Variants in GARIN5A observed in about 807,000 individuals in gnomAD.
The protein encoded by GARIN5A is golgi associated RAB2 interactor 5A.
the GARIN5A span, among the ~76,000 whole-genome samples, chr19:50,472,035 T>TGTATGTATATATAC: frequency 1.5e-5 from 2 of 134,686 alleles, no homozygotes; most frequent in African/African-American, 7.4e-5. Context: ...TATATGTACG[T>TGTATGTATATATAC]GTGTGTATAT....
chr19:50,475,199 G>A, the GARIN5A span: 1 of 1,367,410 alleles, frequency 7.3e-7, no homozygotes, highest in Non-Finnish European at 9.7e-7. Flanking sequence ...TGGCAGCTCA[G>A]GGAGGGCCGG....
At chr19:50,473,014 C>T in the GARIN5A span, among the ~76,000 whole-genome samples, 1 of 152,128 alleles carries the variant, frequency 6.6e-6, no homozygotes, top group Admixed American at 6.6e-5. Context: ...GAGATCCCAC[C>T]TCTACAACAC....
At chr19:50,475,410 C>A in the GARIN5A span, 2 of 1,610,184 alleles carry the variant, frequency 1.2e-6, no homozygotes, top group Non-Finnish European at 1.7e-6. Context: ...CTGGAGGCTG[C>A]CACCCCCATG....
At chr19:50,472,066 A>ATATACATG in the GARIN5A span, among the ~76,000 whole-genome samples, 2 of 139,838 alleles carry the variant, frequency 1.4e-5, no homozygotes, top group African/African-American at 5.5e-5. Flanking sequence ...GTGTGTGTAT[A>ATATACATG]TGTGTATATA....
the GARIN5A span, chr19:50,467,783 G>T: frequency 6.2e-7 from 1 of 1,612,586 alleles, no homozygotes; most frequent in Non-Finnish European, 8.5e-7. Context: ...AGCTGACACC[G>T]GCTTTTGTCG....
chr19:50,472,108 G>GTGTGTATATGTATATATACT, the GARIN5A span, among the ~76,000 whole-genome samples: 1 of 138,756 alleles, frequency 7.2e-6, no homozygotes, highest in African/African-American at 3.0e-5. Flanking sequence ...GTATATATAC[G>GTGTGTATATGTATATATACT]TGTGTATATG....
chr19:50,476,289 G>A, the GARIN5A span: 1 of 1,604,164 alleles, frequency 6.2e-7, no homozygotes, highest in Middle Eastern at 1.7e-4. Flanking sequence ...TCATGATGCG[G>A]AGCGGGCTTT....
At chr19:50,476,398 G>C in the GARIN5A span, 7 of 1,551,200 alleles carry the variant, frequency 4.5e-6, 1 homozygote, top group Middle Eastern at 5.4e-4. Context: ...TCCTGCTGAC[G>C]TCAGGCCCCA....
At chr19:50,467,553 C>T in the GARIN5A span, 4 of 1,524,092 alleles carry the variant, frequency 2.6e-6, no homozygotes, top group South Asian at 1.2e-5. Context: ...CCCCTCTCCT[C>T]ACCTCCTCCC....
the GARIN5A span, among the ~76,000 whole-genome samples, chr19:50,471,298 C>T: frequency 6.6e-6 from 1 of 151,194 alleles, no homozygotes; most frequent in South Asian, 2.1e-4. Context: ...GAGATAGTGT[C>T]TTGCTTTGTC....
chr19:50,471,774 CTGTGTGTATACGCATACATGCA>C, the GARIN5A span, among the ~76,000 whole-genome samples: 1 of 127,616 alleles, frequency 7.8e-6, no homozygotes, highest in Admixed American at 7.9e-5. Flanking sequence ...GCATACATAC[CTGTGTGTATACGCATACATGCA>C]TGTGTATACG....
chr19:50,471,308 C>T, the GARIN5A span, among the ~76,000 whole-genome samples: 1 of 150,966 alleles, frequency 6.6e-6, no homozygotes, highest in African/African-American at 2.4e-5. Flanking sequence ...CTTGCTTTGT[C>T]ACCCAGGCTG....
the GARIN5A span, among the ~76,000 whole-genome samples, chr19:50,468,572 A>G: frequency 6.6e-6 from 1 of 151,846 alleles, no homozygotes; most frequent in Admixed American, 6.6e-5. Flanking sequence ...CACCCTGATG[A>G]GTCCTGACAC....
the GARIN5A span, chr19:50,476,536 G>A: frequency 1.5e-5 from 24 of 1,571,234 alleles, 1 homozygote; most frequent in East Asian, 4.9e-4. Flanking sequence ...CTGGTGGGAA[G>A]AAGCCGAGAT....
At chr19:50,466,967 G>A in the GARIN5A span, 1 of 152,466 alleles carries the variant, frequency 6.6e-6, no homozygotes, top group African/African-American at 2.4e-5. This position sits in a 1 kb window ranked among gnomAD's most constrained non-coding sequence, Gnocchi z 4.9. Context: ...TGGGGAGAGA[G>A]AGTTTGTTTC....
chr19:50,467,529 C>T, the GARIN5A span: 2 of 1,430,586 alleles, frequency 1.4e-6, no homozygotes, highest in Non-Finnish European at 9.5e-7. Context: ...CCTCTGCTGC[C>T]CCACTGCGCT....
the GARIN5A span, among the ~76,000 whole-genome samples, chr19:50,472,209 CAT>C: frequency 5.1e-4 from 60 of 117,270 alleles, 2 homozygotes; most frequent in African/African-American, 1.5e-3. Flanking sequence ...CATGTATATA[CAT>C]GTGTGTATGT....
chr19:50,470,469 T>C, the GARIN5A span, among the ~76,000 whole-genome samples: 1 of 149,960 alleles, frequency 6.7e-6, no homozygotes, highest in Non-Finnish European at 1.5e-5. Context: ...GCCAAGATCA[T>C]GCCACTACAC....
chr19:50,472,055 CGT>C, the GARIN5A span, among the ~76,000 whole-genome samples: 198 of 118,934 alleles, frequency 1.7e-3, 2 homozygotes, highest in African/African-American at 3.9e-3. Flanking sequence ...TGTATATATA[CGT>C]GTGTGTATAT....
Sources: gnomAD v4.1 joint callset for allele counts (sites outside exome capture counted in the v4.1 genomes callset) on GRCh38, gnomAD v4.1.1 for gene constraint, Gnocchi (gnomAD v3.1) non-coding constraint, MANE v1.5 for transcripts, NCBI Gene and HGNC (gene_info 2026-07-23, HGNC 2026-07-21) for gene names.